PPP2R2A: variants seen among roughly 807,000 people sequenced by gnomAD.
The protein encoded by PPP2R2A is serine/threonine-protein phosphatase 2A 55 kDa regulatory subunit B alpha isoform.
Under a neutral mutation model 53.2 loss-of-function variants are expected in PPP2R2A, and 9 were observed. The observed-to-expected ratio is 0.17, with a 90% CI of 0.10 to 0.30. PPP2R2A has a LOEUF of 0.30. Ranked by LOEUF, PPP2R2A falls within the 10% of genes least tolerant of loss-of-function variation. The pLI, the probability that PPP2R2A is intolerant of heterozygous loss-of-function variation, is 1.00. For synonymous variants in PPP2R2A, 169 were observed against 174.2 expected, an observed-to-expected ratio of 0.97 and a Z score of 0.23; for missense variants, 235 against 534.6, an observed-to-expected ratio of 0.44 and a Z score of 5.53.
intron 3 of PPP2R2A, 130 bp downstream of exon 3, chr8:26,339,117 A>T (rs3808573): frequency 0.2 from 132,100 of 661,562 alleles, 14,985 homozygotes; most frequent in East Asian, 0.46. Flanking sequence ...TACAATGTCC[A>T]ATATATAGAC....
intron 2 of PPP2R2A, among the ~76,000 whole-genome samples, chr8:26,311,371 C>T (rs770225629): frequency 1.3e-4 from 20 of 152,264 alleles, no homozygotes; most frequent in African/African-American, 4.3e-4. Context: ...AATAAATATA[C>T]GTTACATTAA....
intron 2 of PPP2R2A, among the ~76,000 whole-genome samples, chr8:26,313,784 C>G (rs1298812626): frequency 6.6e-6 from 1 of 152,132 alleles, no homozygotes; most frequent in East Asian, 1.9e-4. Flanking sequence ...CGAGGAAAGG[C>G]AAGAAAATGG....
intron 2 of PPP2R2A, among the ~76,000 whole-genome samples, chr8:26,302,124 G>A (rs1346146664): frequency 6.6e-6 from 1 of 152,176 alleles, no homozygotes; most frequent in African/African-American, 2.4e-5. Context: ...TTCAACTGCA[G>A]TTTTCATGGA....
rs546040808 is a variant in PPP2R2A at position 26,335,519 on chromosome 8, T to C, written c.83-3371T>C. Among the ~76,000 whole-genome samples, 3 of 152,322 alleles carry C rather than the reference T, an allele frequency of 2.0e-5. No individual in the cohort carries two copies. The South Asian group carries it at 6.2e-4, about 32-fold the overall frequency. ...AGCAAGGAGACCATGAATCTGTCCA[T>C]CTACCCCTCCCCGAAATAAAATTAC... On this transcript the variant is annotated intron_variant, in intron 2 of 9. Transcript: ENST00000380737.
chr8:26,299,544 T>TG, intron 2 of PPP2R2A, among the ~76,000 whole-genome samples: 1 of 152,292 alleles, frequency 6.6e-6, no homozygotes, highest in South Asian at 2.1e-4. Context: ...GACTGGGTCT[T>TG]GAAAAAATAT....
chr8:26,361,299 TAATGA>T (rs1805070550), intron 6 of PPP2R2A, 148 bp downstream of exon 6: 4 of 635,268 alleles, frequency 6.3e-6, no homozygotes, highest in Admixed American at 3.9e-5. Context: ...TGTAGATGAG[TAATGA>T]AATACTGGAA....
chr8:26,316,263 C>T (rs1158352817), intron 2 of PPP2R2A, among the ~76,000 whole-genome samples: 4 of 152,196 alleles, frequency 2.6e-5, no homozygotes, highest in Non-Finnish European at 5.9e-5. Context: ...CTGCCTCAGC[C>T]TCCCAAAGCG....
intron 2 of PPP2R2A, among the ~76,000 whole-genome samples, chr8:26,317,080 TACA>T (rs944726007): frequency 3.9e-5 from 6 of 152,358 alleles, no homozygotes; most frequent in African/African-American, 1.4e-4. Context: ...TTACTAGTAG[TACA>T]ACATTTGTAT....
chr8:26,353,960 A>G (rs185810305), intron 3 of PPP2R2A, among the ~76,000 whole-genome samples: 1 of 152,202 alleles, frequency 6.6e-6, no homozygotes, highest in East Asian at 1.9e-4. Context: ...CTCTTTTTTT[A>G]AGCTTTCAGC....
At chr8:26,347,887 G>C (rs909580811) in intron 3 of PPP2R2A, among the ~76,000 whole-genome samples, 2 of 152,140 alleles carry the variant, frequency 1.3e-5, no homozygotes, top group African/African-American at 4.8e-5. Flanking sequence ...TTTAGAGAAA[G>C]TTTTGAGATT....
rs1036319499 is a variant in PPP2R2A, at chr8:26,362,462, G to A, written c.638-222G>A. On this transcript the variant is annotated intron_variant, in intron 6 of 9. Transcript: ENST00000380737. The surrounding 1 kb of genome is among the most constrained non-coding windows in gnomAD (Gnocchi z 4.4). ...GGAGGCTGCAGTGAGCCGAGATTGC[G>A]CCACTGCACTCCAGCCTGGGTGACA... Among the ~76,000 whole-genome samples, 7 of 151,994 alleles carry A rather than the reference G, an allele frequency of 4.6e-5. 1 individual carries two copies. Among genetic ancestry groups the A allele is most frequent in the African/African-American group, 7.2e-5 (3 of 41,464 alleles).
chr8:26,296,434 C>T (rs536675048), intron 2 of PPP2R2A, among the ~76,000 whole-genome samples: 14 of 152,238 alleles, frequency 9.2e-5, no homozygotes, highest in Non-Finnish European at 2.1e-4. Context: ...CTGCTTCCAC[C>T]TTGGAATGCC....
rs143139984 is a variant in PPP2R2A, at chr8:26,332,842, C to T, written c.83-6048C>T. The stretch of plus-strand genomic sequence containing the variant: ...TGAAAAAGAGGCAATAAACTGAATA[C>T]TTACACATTATCCCTTTTTTCATCA... On this transcript the variant is annotated intron_variant, in intron 2 of 9. Transcript: ENST00000380737. 2.5e-3 allele frequency among the ~76,000 whole-genome samples: 374 copies of T among 152,292 alleles called. 2 individuals are homozygous for T. Among genetic ancestry groups the T allele is most frequent in the African/African-American group, 8.4e-3 (348 of 41,562 alleles).
intron 2 of PPP2R2A, among the ~76,000 whole-genome samples, chr8:26,335,094 C>T (rs527868130): frequency 6.6e-6 from 1 of 152,190 alleles, no homozygotes; most frequent in Non-Finnish European, 1.5e-5. Flanking sequence ...CCAGGCAAGA[C>T]CATACCCCAT....
intron 2 of PPP2R2A, among the ~76,000 whole-genome samples, chr8:26,323,886 C>T (rs1418552770): frequency 6.6e-6 from 1 of 152,194 alleles, no homozygotes; most frequent in Admixed American, 6.5e-5. Flanking sequence ...TCTGACTCCT[C>T]TACTCTCTTA....
intron 2 of PPP2R2A, among the ~76,000 whole-genome samples, chr8:26,310,867 G>A (rs1223487457): frequency 6.6e-6 from 1 of 151,896 alleles, no homozygotes; most frequent in Non-Finnish European, 1.5e-5. Context: ...GCCTTTTTGT[G>A]TTCTTTGTCT....
At chr8:26,355,888 TAGTA>T (rs1804758899) in intron 4 of PPP2R2A, among the ~76,000 whole-genome samples, 1 of 150,036 alleles carries the variant, frequency 6.7e-6, no homozygotes. Context: ...AAAAAAAAGT[TAGTA>T]ATGACTCTAC....
intron 3 of PPP2R2A, among the ~76,000 whole-genome samples, chr8:26,349,904 CTG>C (rs1167382738): frequency 2.6e-5 from 4 of 152,194 alleles, no homozygotes; most frequent in African/African-American, 9.7e-5. Context: ...TAGGCATTCA[CTG>C]TTAGCAGACA....
In PPP2R2A at chr8:26,311,512, T is replaced by TA. The variant is rs1802289737; in HGVS notation, c.82+17773dup. On this transcript the variant is annotated intron_variant, in intron 2 of 9. Transcript: ENST00000380737. ...ACTATTAATTTGACTAATTTAAAAT[T>TA]ATTGTGCTGAGCCGGGCACGGTGGT... Among the ~76,000 whole-genome samples the TA allele has an allele frequency of 4.6e-5, 7 of 152,256 alleles. No individual in the cohort carries two copies. The South Asian group carries it at 1.2e-3, about 27-fold the overall frequency.
Sources: allele counts gnomAD v4.1 joint callset (sites outside exome capture counted in the v4.1 genomes callset), GRCh38; gene constraint gnomAD v4.1.1; non-coding constraint Gnocchi (gnomAD v3.1); transcripts MANE v1.5; gene names NCBI Gene and HGNC (gene_info 2026-07-23, HGNC 2026-07-21).